The following PKD1L1 variants were observed in gnomAD, a reference collection of about 807,000 sequenced individuals.
PKD1L1 encodes the protein polycystin 1 like 1, transient receptor potential channel interacting, also known as polycystin-1-like protein 1.
In PKD1L1, 236 loss-of-function variants were observed where a neutral mutation model predicts 323.4. That is an observed-to-expected ratio of 0.73 (90% confidence interval 0.66 to 0.81). The LOEUF (loss-of-function observed/expected upper bound fraction) is 0.81, where lower values mean the gene tolerates loss of function less well. Among genes scored for constraint, PKD1L1 ranks in the 40% least tolerant of loss-of-function variants. The pLI is 0.00. For missense variants in PKD1L1, 3,320 were observed against 3,508.0 expected, an observed-to-expected ratio of 0.95 and a Z score of 1.35; for synonymous variants, 1,344 against 1,335.0, an observed-to-expected ratio of 1.01 and a Z score of -0.15.
chr7:47,958,242 CAGAT>C, the PKD1L1 span, among the ~76,000 whole-genome samples: 3 of 152,060 alleles, frequency 2.0e-5, no homozygotes, highest in East Asian at 1.9e-4. Context: ...GGTATAAAAA[CAGAT>C]AGATCAATGG....
Position 47,799,148 on chromosome 7 carries a change from ATGAG to A in PKD1L1, c.8193+1497_8193+1500del, listed in dbSNP as rs965696438. ...TGGGCATTCTTTAGTTTTTTGTTGA[ATGAG>A]TGAGTGCATGAATGAACAAATGAGT... is the stretch of plus-strand genomic sequence containing the variant. On this transcript the variant is annotated intron_variant, in intron 54 of 56. Transcript: ENST00000289672. Among the ~76,000 whole-genome samples the A allele has an allele frequency of 9.2e-5, 14 of 152,246 alleles. No individual in the cohort carries two copies. In the East Asian group the frequency reaches 1.7e-3, roughly 19 times the overall value.
upstream of PKD1L1, among the ~76,000 whole-genome samples, chr7:47,949,776 T>C (rs1380719845): frequency 6.6e-6 from 1 of 152,142 alleles, no homozygotes; most frequent in Non-Finnish European, 1.5e-5. Flanking sequence ...CTTTCTCAGA[T>C]GGGAACACAG....
At chr7:47,861,899 A>AAC (rs1250340351) in intron 26 of PKD1L1, among the ~76,000 whole-genome samples, 10 of 145,252 alleles carry the variant, frequency 6.9e-5, no homozygotes, top group Non-Finnish European at 1.1e-4. Context: ...AAAAAAAAAA[A>AAC]AAAAAAACAA....
At chr7:47,883,436 T>C (rs1786608962) in intron 19 of PKD1L1, among the ~76,000 whole-genome samples, 1 of 152,230 alleles carries the variant, frequency 6.6e-6, no homozygotes, top group Non-Finnish European at 1.5e-5. Context: ...CAGCCCTGCC[T>C]TAGCCTTGCC....
intron 55 of PKD1L1, among the ~76,000 whole-genome samples, chr7:47,793,059 T>A (rs1786988315): frequency 6.6e-6 from 1 of 151,634 alleles, no homozygotes; most frequent in Non-Finnish European, 1.5e-5. Context: ...AAAAAAACTA[T>A]TGAATGGATT....
intron 21 of PKD1L1, among the ~76,000 whole-genome samples, chr7:47,878,317 A>G (rs1786453719): frequency 6.6e-6 from 1 of 152,000 alleles, no homozygotes; most frequent in Admixed American, 6.6e-5. Context: ...CTTATTTTCC[A>G]TTTTCTGTTA....
Position 47,839,662 on chromosome 7 carries a change from G to T in PKD1L1, c.5553C>A (p.Ser1851Arg), listed in dbSNP as rs945874188. 4.5e-6 allele frequency: 7 copies of T among 1,562,572 alleles called. No individual in the cohort carries two copies. The highest frequency in any genetic ancestry group is 6.1e-6 in the Non-Finnish European group (7 of 1,153,126). ...ERNSRHTFILSAPAQLGLLRK... is the reference protein window; with the variant it reads ...ERNSRHTFILRAPAQLGLLRK... The stretch of plus-strand genomic sequence containing the variant: ...TCAGCAGGCCCAGTTGGGCAGGAGC[G>T]CTGGAGGCACACACAGCAGCATCTC... Residue 1851 changes from serine (S) to arginine (R), a missense_variant and splice_region_variant, in exon 36 of 57, where the codon AGC becomes AGA. Coordinates refer to ENST00000289672, the MANE Select transcript of PKD1L1 (RefSeq NM_138295.5). The surrounding 1 kb of genome is among the most constrained non-coding windows in gnomAD (Gnocchi z 4.3).
intron 14 of PKD1L1, among the ~76,000 whole-genome samples, chr7:47,896,812 T>TC (rs1244699988): frequency 2.0e-5 from 3 of 151,812 alleles, no homozygotes; most frequent in African/African-American, 7.3e-5. Context: ...CACCCCGAGG[T>TC]CCCCTGACAT....
Position 47,800,841 on chromosome 7 carries a change from C to T in PKD1L1, c.8001G>A (p.Leu2667=). The change falls in exon 54 of 57, where the codon CTG becomes CTA. Residue 2667 remains leucine, a synonymous_variant. Coordinates refer to ENST00000289672, the MANE Select transcript of PKD1L1 (RefSeq NM_138295.5). ...GALMLAALSH[L]HRFLLSMWVL... ...CCCACATAGAGAGCAGAAATCGGTG[C>T]AGGTGGGAGAGGGCGGCCAGCATCA... 1.2e-6 allele frequency: 2 copies of T among 1,614,048 alleles called. No homozygotes were observed. Among genetic ancestry groups the T allele is most frequent in the Non-Finnish European group, 1.7e-6 (2 of 1,180,012 alleles).
rs1307620710 is a variant in PKD1L1 at position 47,839,032 on chromosome 7, C to T, written c.5769+414G>A. Among the ~76,000 whole-genome samples the T allele has an allele frequency of 3.3e-5, 5 of 152,136 alleles. No individual in the cohort carries two copies. ...TGTGAGGTTATCTGTTATTCTGTCA[C>T]TCTGGCTATCTCCTGCCATCCTGGA... On this transcript the variant is annotated intron_variant, in intron 36 of 56. Coordinates refer to ENST00000289672, the MANE Select transcript of PKD1L1 (RefSeq NM_138295.5). The surrounding 1 kb of genome is among the most constrained non-coding windows in gnomAD (Gnocchi z 4.3).
intron 48 of PKD1L1, 88 bp downstream of exon 48, chr7:47,813,843 A>G (rs950405306): frequency 1.2e-5 from 14 of 1,154,950 alleles, no homozygotes; most frequent in Non-Finnish European, 1.8e-5. Flanking sequence ...GAGAAGTTCA[A>G]ATGATCTGCC....
chr7:47,865,601 T>TTTTATTTTA (rs1562964560), intron 25 of PKD1L1, among the ~76,000 whole-genome samples: 9 of 57,308 alleles, frequency 1.6e-4, no homozygotes, highest in African/African-American at 1.3e-3. Context: ...ATTTTATTTT[T>TTTTATTTTA]TTGAGACGGA....
chr7:47,846,508 G>A (rs187005887), intron 32 of PKD1L1, among the ~76,000 whole-genome samples: 27 of 152,314 alleles, frequency 1.8e-4, no homozygotes, highest in Non-Finnish European at 2.6e-4. Context: ...TACAAACTGC[G>A]TACTCAAAGG....
Position 47,929,450 on chromosome 7 carries a change from G to C in PKD1L1, c.814C>G (p.Pro272Ala). ...GCCACAGGAGGATGCTGAGTAGGGG[G>C]ATAGAGGATCTCAGAACCAGACTGC... ...ASQSGSEILY[P>A]PTQHPPVAIL... Residue 272 changes from proline to alanine, a missense_variant, in exon 7 of 57, where the codon CCC becomes GCC. Physicochemically the swap from Pro to Ala is conservative, Grantham distance 27 (BLOSUM62 -1). Transcript: ENST00000289672. 1 of 1,614,112 alleles carries C rather than the reference G, an allele frequency of 6.2e-7. No individual in the cohort carries two copies.
chr7:47,868,409 A>G (rs1346969285), intron 24 of PKD1L1, among the ~76,000 whole-genome samples: 2 of 152,134 alleles, frequency 1.3e-5, no homozygotes, highest in African/African-American at 4.8e-5. Context: ...AACAAAAAAA[A>G]CACAAATAAG....
At chr7:47,897,735 C>T (rs764677904) in intron 14 of PKD1L1, among the ~76,000 whole-genome samples, 1 of 152,200 alleles carries the variant, frequency 6.6e-6, no homozygotes, top group Non-Finnish European at 1.5e-5. Flanking sequence ...AAATTAGGTA[C>T]ACAGGAAGGT....
chr7:47,847,029 T>C lies in PKD1L1; in HGVS notation c.5003A>G (p.Asp1668Gly), dbSNP rs1583616937. 6.2e-7 allele frequency: 1 copy of C among 1,608,148 alleles called. No homozygotes were observed. Among genetic ancestry groups the C allele is most frequent in the Non-Finnish European group, 8.5e-7 (1 of 1,178,046 alleles). ...TAAATATCTGTTTGGAGGTTTTCTG[T>C]CATAGTCAGCATCCAATAAGGATAA... ...GYLSLLDADY[D>G]RKPPNRYLAK... The change falls in exon 32 of 57, where the codon GAC becomes GGC. Residue 1668 changes from aspartate (D) to glycine (G), a missense_variant. Physicochemically the swap from Asp to Gly is moderately conservative, Grantham distance 94 (BLOSUM62 -1). Transcript: ENST00000289672.
In PKD1L1 at chr7:47,931,193, C is replaced by G; in HGVS notation, c.648G>C (p.Glu216Asp). 1 of 1,614,198 alleles carries G rather than the reference C, an allele frequency of 6.2e-7. No homozygotes were observed. Among genetic ancestry groups the G allele is most frequent in the South Asian group, 1.1e-5 (1 of 91,082 alleles). The change falls in exon 6 of 57, where the codon GAG (glutamate) becomes GAC (aspartate). Residue 216 changes from glutamate to aspartate, a missense_variant. By Grantham distance (45) the Glu-to-Asp change is conservative. Transcript: ENST00000289672. ...TGGGTCTGGCCACCTTGGTGGGGGT[C>G]TCCATCGTGACAGTCCCAGGAAGCA... ...TGLLPGTVTM[E>D]TPTKVARPTQ...
chr7:47,775,692 A>G (rs1044367453), intron 56 of PKD1L1, among the ~76,000 whole-genome samples: 1 of 152,212 alleles, frequency 6.6e-6, no homozygotes, highest in Non-Finnish European at 1.5e-5. Flanking sequence ...AAGGTCTTAA[A>G]TGACCTTAGC....
Sources: allele counts gnomAD v4.1 joint callset (sites outside exome capture counted in the v4.1 genomes callset), GRCh38; gene constraint gnomAD v4.1.1; non-coding constraint Gnocchi (gnomAD v3.1); transcripts MANE v1.5; gene names NCBI Gene and HGNC (gene_info 2026-07-23, HGNC 2026-07-21).